The following DYNC2I1 variants were observed in gnomAD, a reference collection of about 807,000 sequenced individuals.
DYNC2I1 encodes cytoplasmic dynein 2 intermediate chain 1.
A neutral mutation model predicts 133.4 loss-of-function variants in DYNC2I1; 89 were observed. The ratio of observed to expected loss-of-function variants is 0.67; its 90% confidence interval spans 0.56 to 0.80. The LOEUF is 0.80. Ranked by LOEUF, DYNC2I1 falls within the 30% of genes least tolerant of loss-of-function variation. The pLI, the probability that DYNC2I1 is intolerant of heterozygous loss-of-function variation, is 0.00. For missense variants in DYNC2I1, 1,291 were observed against 1,314.5 expected (o/e 0.98, Z 0.28); for synonymous variants, 504 against 484.3 (o/e 1.04, Z -0.54).
At chr7:158,915,254 G>A (rs1351346143) in intron 14 of DYNC2I1, among the ~76,000 whole-genome samples, 3 of 152,056 alleles carry the variant, frequency 2.0e-5, no homozygotes, top group Middle Eastern at 3.2e-3. Context: ...TTGACATTAA[G>A]AATGATTGTG....
At chr7:158,955,551 T>C (rs1852177361) in intron 4 of DYNC2I1, among the ~76,000 whole-genome samples, 1 of 152,252 alleles carries the variant, frequency 6.6e-6, no homozygotes, top group African/African-American at 2.4e-5. Flanking sequence ...GAGCAGATTT[T>C]GTGCTAAGAG....
At chr7:158,876,804 C>A (rs1176579724) in intron 4 of DYNC2I1, 113 bp downstream of exon 4, 1 of 1,369,080 alleles carries the variant, frequency 7.3e-7, no homozygotes, top group Non-Finnish European at 9.6e-7. Context: ...GGATTTCAGT[C>A]CTGGAAAAGG....
chr7:158,939,708 G>C (rs1314020825), intron 23 of DYNC2I1, among the ~76,000 whole-genome samples: 1 of 152,114 alleles, frequency 6.6e-6, no homozygotes, highest in Non-Finnish European at 1.5e-5. Flanking sequence ...AGACCCAACT[G>C]TAGGCTGCTC....
chr7:158,895,473 C>T (rs1845677853), intron 8 of DYNC2I1, among the ~76,000 whole-genome samples: 1 of 152,154 alleles, frequency 6.6e-6, no homozygotes, highest in African/African-American at 2.4e-5. Flanking sequence ...TATTTCTGGG[C>T]TCTTTGTTCT....
intron 1 of DYNC2I1, among the ~76,000 whole-genome samples, chr7:158,857,049 C>T (rs976824467): frequency 6.6e-6 from 1 of 152,054 alleles, no homozygotes; most frequent in African/African-American, 2.4e-5. Flanking sequence ...GAGGCGGCCT[C>T]GGCCCCTGCT....
In DYNC2I1 at chr7:158,911,599, A is replaced by C. The variant is rs948314881; in HGVS notation, c.1510A>C (p.Thr504Pro). The change falls in exon 12 of 25, where the codon ACT becomes CCT. Residue 504 changes from threonine (T) to proline (P), a missense_variant. Physicochemically the swap from Thr to Pro is conservative, Grantham distance 38. Transcript: ENST00000407559. ...LRLIDLDFSF[T>P]FSLLDLPPVN... ...GCTCATTGACTTAGATTTTTCATTT[A>C]CTTTCTCTCTCTTGGATCTACCACC... 3.1e-6 allele frequency: 5 copies of C among 1,613,624 alleles called. No homozygotes were observed. The highest frequency in any genetic ancestry group is 3.4e-6 in the Non-Finnish European group (4 of 1,179,816).
At position 158,934,084 on chromosome 7, in the gene DYNC2I1, G is replaced by A. The variant is rs1395384092; in HGVS notation, c.2547-45G>A. The stretch of plus-strand genomic sequence containing the variant: ...TGTTAATACCATCATTATTCTTAAG[G>A]TTGGAAACAGTCCATCTGTTCATTT... On this transcript the variant is annotated intron_variant, in intron 21 of 24. Transcript: ENST00000407559. 4 of 1,335,556 alleles carry A rather than the reference G, an allele frequency of 3.0e-6. No homozygotes were observed. The South Asian group carries it at 4.9e-5, about 16-fold the overall frequency. 82.7% of individuals were successfully genotyped at this position (1,335,556 alleles called of 1,614,324 possible). A position where few individuals can be genotyped will look rare whatever the true frequency, so the allele number is the denominator to read the frequency against.
chr7:158,902,231 A>G (rs1317437821), intron 9 of DYNC2I1, 145 bp from the exon 10 acceptor site: 1 of 702,494 alleles, frequency 1.4e-6, no homozygotes, highest in East Asian at 2.7e-5. Flanking sequence ...AAAACATTAA[A>G]ATCAGGGAAC....
At chr7:158,875,350 C>T (rs1325505707) in intron 3 of DYNC2I1, among the ~76,000 whole-genome samples, 3 of 152,134 alleles carry the variant, frequency 2.0e-5, no homozygotes, top group Admixed American at 6.5e-5. Flanking sequence ...GCCTCGGCCT[C>T]CCAAAGTGCT....
At chr7:158,947,230 C>T (rs767296685), downstream of DYNC2I1, among the ~76,000 whole-genome samples, 1 of 152,144 alleles carries the variant, frequency 6.6e-6, no homozygotes, top group Non-Finnish European at 1.5e-5. Flanking sequence ...TCTGCATCTT[C>T]GCGGAACCCA....
At chr7:158,906,358 T>G (rs1846814589) in intron 11 of DYNC2I1, among the ~76,000 whole-genome samples, 1 of 152,214 alleles carries the variant, frequency 6.6e-6, no homozygotes, top group South Asian at 2.1e-4. Flanking sequence ...TCGAGAAATT[T>G]GTAAAATTTA....
chr7:158,903,788 G>A (rs553803116), intron 10 of DYNC2I1: 6 of 152,306 alleles, frequency 3.9e-5, no homozygotes, highest in African/African-American at 9.6e-5. Context: ...GCTGAGACGC[G>A]AGCAGGATTT....
intron 3 of DYNC2I1, among the ~76,000 whole-genome samples, chr7:158,874,690 C>G (rs1175246195): frequency 2.0e-5 from 3 of 152,228 alleles, no homozygotes; most frequent in African/African-American, 7.2e-5. Context: ...TCCAGCAACC[C>G]CTTGCCCTTG....
intron 14 of DYNC2I1, among the ~76,000 whole-genome samples, chr7:158,917,085 C>T (rs540080704): frequency 4.0e-5 from 5 of 124,724 alleles, no homozygotes; most frequent in Admixed American, 7.6e-5. Context: ...GATTGTGAAA[C>T]GTCTACACGC....
chr7:158,928,744 CGGGAT>C (rs1849878884), intron 20 of DYNC2I1, among the ~76,000 whole-genome samples: 1 of 148,690 alleles, frequency 6.7e-6, no homozygotes, highest in Non-Finnish European at 1.5e-5. Context: ...ACACAGGTCA[CGGGAT>C]GGGTTAGTGA....
the DYNC2I1 span, among the ~76,000 whole-genome samples, chr7:158,841,751 G>A: frequency 9.8e-5 from 15 of 152,300 alleles, no homozygotes; most frequent in African/African-American, 3.4e-4. Flanking sequence ...AGACAGCGTC[G>A]CAAAGCTCTG....
At chr7:158,883,771 C>T (rs1230212967) in intron 5 of DYNC2I1, among the ~76,000 whole-genome samples, 1 of 143,954 alleles carries the variant, frequency 6.9e-6, no homozygotes, top group East Asian at 2.1e-4. Flanking sequence ...TCACGCCATT[C>T]TCCTGCCTCA....
intron 2 of DYNC2I1, among the ~76,000 whole-genome samples, chr7:158,870,709 AT>A: frequency 6.6e-6 from 1 of 151,710 alleles, no homozygotes; most frequent in Non-Finnish European, 1.5e-5. Context: ...TATTTTCCAT[AT>A]TTTGGGGGTA....
intron 21 of DYNC2I1, among the ~76,000 whole-genome samples, chr7:158,933,273 A>C (rs533220150): frequency 1.3e-5 from 2 of 152,174 alleles, no homozygotes; most frequent in South Asian, 4.2e-4. Flanking sequence ...GGAAAGGAAA[A>C]TCTCTAAATG....
Sources: gnomAD v4.1 joint callset for allele counts (sites outside exome capture counted in the v4.1 genomes callset) on GRCh38, gnomAD v4.1.1 for gene constraint, MANE v1.5 for transcripts, NCBI Gene and HGNC (gene_info 2026-07-23, HGNC 2026-07-21) for gene names.